Variants in PCDHGA8 observed in about 807,000 individuals in gnomAD.
The protein encoded by PCDHGA8 is protocadherin gamma-A8.
PCDHGA8 carries 45 observed loss-of-function variants against 59.2 expected under a neutral mutation model. That is an observed-to-expected ratio of 0.76 (90% CI 0.60 to 0.98). The LOEUF (loss-of-function observed/expected upper bound fraction) is 0.98, where lower values mean the gene tolerates loss of function less well. Ranked by LOEUF, PCDHGA8 falls within the 50% of genes least tolerant of loss-of-function variation. The pLI is 0.00. For missense variants in PCDHGA8, 1,257 were observed against 1,196.2 expected (o/e 1.05, Z -0.75); for synonymous variants, 531 against 519.0 (o/e 1.02, Z -0.32).
At position 141,443,088 on chromosome 5, in the gene PCDHGA8, T is replaced by C. The variant is rs188899890; in HGVS notation, c.2424+47851T>C. On this transcript the variant is annotated intron_variant, in intron 1 of 3. Transcript: ENST00000398604. ...CGTCTTATGACTGAGTGTTCCAGTC[T>C]CCTTCTCAAGCTGAACCTTGCTTTT... is the stretch of plus-strand genomic sequence containing the variant. 2.9e-3 allele frequency among the ~76,000 whole-genome samples: 446 copies of C among 152,092 alleles called. 1 individual carries two copies. Among genetic ancestry groups the C allele is most frequent in the Middle Eastern group, 0.014 (4 of 294 alleles).
rs777568111 is a variant in PCDHGA8 at position 141,404,292 on chromosome 5, A to G, written c.2424+9055A>G. On this transcript the variant is annotated intron_variant, in intron 1 of 3. Coordinates refer to ENST00000398604, the MANE Select transcript of PCDHGA8 (RefSeq NM_032088.2). ...ACCCTGCAAGTGACTGACATCAATG[A>G]TAATCCACCTGCTTTCTCTCAAGCC... 2.5e-6 allele frequency: 4 copies of G among 1,613,864 alleles called. No homozygotes were observed. Among genetic ancestry groups the G allele is most frequent in the South Asian group, 1.1e-5 (1 of 91,082 alleles).
intron 1 of PCDHGA8, chr5:141,441,669 T>C: frequency 3.5e-6 from 1 of 287,870 alleles, no homozygotes; most frequent in Non-Finnish European, 6.8e-6. Context: ...GAGCGCACAG[T>C]GCGCCTTCGA....
chr5:141,471,925 G>A (rs1371923375), intron 1 of PCDHGA8, among the ~76,000 whole-genome samples: 1 of 152,076 alleles, frequency 6.6e-6, no homozygotes, highest in Non-Finnish European at 1.5e-5. Flanking sequence ...AAATTTTGGG[G>A]GTGATGAGAG....
chr5:141,466,085 G>T (rs1028177123), intron 1 of PCDHGA8, among the ~76,000 whole-genome samples: 2 of 151,984 alleles, frequency 1.3e-5, no homozygotes, highest in African/African-American at 4.8e-5. Flanking sequence ...TCATGCCACT[G>T]CACTCCAGCC....
intron 1 of PCDHGA8, chr5:141,421,424 G>A: frequency 6.2e-7 from 1 of 1,614,092 alleles, no homozygotes. Context: ...CGCGGAGTCC[G>A]CATCGTCTCC....
At chr5:141,478,169 G>T in intron 1 of PCDHGA8, 1 of 1,613,834 alleles carries the variant, frequency 6.2e-7, no homozygotes, top group Non-Finnish European at 8.5e-7. Flanking sequence ...TGCCCCCCGG[G>T]AGCAGAAAAA....
At chr5:141,419,424 A>G (rs1197238939) in intron 1 of PCDHGA8, 1 of 1,613,230 alleles carries the variant, frequency 6.2e-7, no homozygotes, top group Admixed American at 1.7e-5. Flanking sequence ...GCCTTCGACC[A>G]CGAGCAGCTG....
In PCDHGA8 at chr5:141,435,388, G is replaced by T. The variant is rs186494703; in HGVS notation, c.2424+40151G>T. Among the ~76,000 whole-genome samples, 241 of 152,094 alleles carry T rather than the reference G, an allele frequency of 1.6e-3. 5 individuals carry two copies. Among genetic ancestry groups the T allele is most frequent in the Non-Finnish European group, 2.1e-4 (14 of 67,992 alleles). The stretch of plus-strand genomic sequence containing the variant: ...ACTTAAATATACAATATACCGTATT[G>T]CCATGACGAAAAATGGTAAAGACTA... On this transcript the variant is annotated intron_variant, in intron 1 of 3. Transcript: ENST00000398604.
chr5:141,426,431 A>G (rs916399837), intron 1 of PCDHGA8: 1 of 297,328 alleles, frequency 3.4e-6, no homozygotes, highest in Non-Finnish European at 6.7e-6. Context: ...GTGGTGGGGA[A>G]CCTTGCGGAG....
chr5:141,453,333 A>T (rs181261279), intron 1 of PCDHGA8, among the ~76,000 whole-genome samples: 3 of 151,914 alleles, frequency 2.0e-5, no homozygotes, highest in Admixed American at 1.3e-4. Context: ...GGGTCTCACT[A>T]TGTTTCCCCA....
intron 1 of PCDHGA8, among the ~76,000 whole-genome samples, chr5:141,451,391 T>C (rs928399948): frequency 6.6e-6 from 1 of 152,162 alleles, no homozygotes; most frequent in Non-Finnish European, 1.5e-5. Context: ...ACATAGTTAA[T>C]GGCAAAATTA....
chr5:141,477,482 C>G lies in PCDHGA8; in HGVS notation c.2425-17325C>G, dbSNP rs1168724444. On this transcript the variant is annotated intron_variant, in intron 1 of 3. Transcript: ENST00000398604. This position sits in a 1 kb window ranked among gnomAD's most constrained non-coding sequence, Gnocchi z 4.9. ...GTCCGACATCAATGACAACCCTCCA[C>G]AATCTTCTCAATCTTCCTACGACGT... 1 of 1,614,118 alleles carries G rather than the reference C, an allele frequency of 6.2e-7. No individual in the cohort carries two copies. The highest frequency in any genetic ancestry group is 1.1e-5 in the South Asian group (1 of 91,074).
In PCDHGA8 at chr5:141,512,470, T is replaced by G. The variant is rs2099884244; in HGVS notation, c.*1297T>G. On this transcript the variant is annotated 3_prime_UTR_variant, in exon 4 of 4. Transcript: ENST00000398604. ...TTCACCTTGCCAGGTGCCGTTTCTC[T>G]TCCGTGAAGGCCACTGCCCAGGTCC... 6.5e-6 allele frequency: 1 copy of G among 152,892 alleles called. No individual in the cohort carries two copies. The highest frequency in any genetic ancestry group is 2.1e-4 in the South Asian group (1 of 4,834). 9.5% of individuals were successfully genotyped at this position (152,892 alleles called of 1,614,324 possible).
chr5:141,481,924 A>G (rs1189494301), intron 1 of PCDHGA8, among the ~76,000 whole-genome samples: 1 of 151,648 alleles, frequency 6.6e-6, no homozygotes, highest in Non-Finnish European at 1.5e-5. Context: ...AAAAAAAAAA[A>G]AAAAAAAAAA....
chr5:141,419,451 C>T (rs747887064), intron 1 of PCDHGA8: 2 of 1,612,796 alleles, frequency 1.2e-6, no homozygotes, highest in Non-Finnish European at 8.5e-7. Flanking sequence ...TTCGAGCTCA[C>T]GCTGCAGGCC....
At position 141,394,534 on chromosome 5, in the gene PCDHGA8, G is replaced by T. The variant is rs751746485; in HGVS notation, c.1721G>T (p.Gly574Val). ...YPALPTDGST[G>V]VELAPRSAER... is the part of the protein sequence containing the mutation. Reference sequence around the variant, plus strand: ...GCCCTCCCCACAGACGGTTCCACTGGCGTGGAGCTGGCGCCCCGCTCCGCA... The same window carrying T: ...GCCCTCCCCACAGACGGTTCCACTGTCGTGGAGCTGGCGCCCCGCTCCGCA... The change falls in exon 1 of 4, where the codon GGC becomes GTC. Residue 574 changes from glycine (G) to valine (V), a missense_variant. By Grantham distance (109) the Gly-to-Val change is moderately radical. Transcript: ENST00000398604. The T allele has an allele frequency of 1.2e-6, 2 of 1,614,074 alleles. No homozygotes were observed. The highest frequency in any genetic ancestry group is 1.7e-6 in the Non-Finnish European group (2 of 1,180,054).
chr5:141,421,642 G>A, intron 1 of PCDHGA8: 1 of 1,613,850 alleles, frequency 6.2e-7, no homozygotes, highest in South Asian at 1.1e-5. Flanking sequence ...GGAGGACGAA[G>A]TGGAGATAAA....
At position 141,410,301 on chromosome 5, in the gene PCDHGA8, C is replaced by A. The variant is rs1294760427; in HGVS notation, c.2424+15064C>A. ...CTGGTGGTGGCCTTGGCCTTAATCT[C>A]AGTGCTCTTCCTCCTCGCCGTGATT... On this transcript the variant is annotated intron_variant, in intron 1 of 3. Transcript: ENST00000398604. 2.5e-6 allele frequency: 4 copies of A among 1,614,030 alleles called. No individual in the cohort carries two copies. In the Admixed American group the frequency reaches 6.7e-5, roughly 27 times the overall value.
At chr5:141,451,180 T>C (rs1318435826) in intron 1 of PCDHGA8, among the ~76,000 whole-genome samples, 4 of 152,180 alleles carry the variant, frequency 2.6e-5, no homozygotes, top group Non-Finnish European at 4.4e-5. Flanking sequence ...ATTTAGCCAT[T>C]GCTGTGTAAC....
Sources: gnomAD v4.1 joint callset for allele counts (sites outside exome capture counted in the v4.1 genomes callset) on GRCh38, gnomAD v4.1.1 for gene constraint, Gnocchi (gnomAD v3.1) non-coding constraint, MANE v1.5 for transcripts, NCBI Gene and HGNC (gene_info 2026-07-23, HGNC 2026-07-21) for gene names.